Variants in ZNF385B observed in about 807,000 individuals in gnomAD.
ZNF385B encodes the protein zinc finger protein 533.
A neutral mutation model predicts 39.2 loss-of-function variants in ZNF385B; 23 were observed. That is an observed-to-expected ratio of 0.59 (90% CI 0.42 to 0.83). ZNF385B has a LOEUF of 0.83. Ranked by LOEUF, ZNF385B falls within the 40% of genes least tolerant of loss-of-function variation. The pLI is 0.00. For missense variants in ZNF385B, 552 were observed against 598.9 expected (o/e 0.92, Z 0.82); for synonymous variants, 205 against 222.6 (o/e 0.92, Z 0.70).
intron 3 of ZNF385B, among the ~76,000 whole-genome samples, chr2:179,554,615 G>A (rs1481735086): frequency 6.7e-6 from 1 of 149,058 alleles, no homozygotes; most frequent in South Asian, 2.2e-4. Context: ...AAAAATTGAT[G>A]AATATATTCT....
chr2:179,558,226 G>A (rs1214696312), intron 3 of ZNF385B, among the ~76,000 whole-genome samples: 1 of 152,138 alleles, frequency 6.6e-6, no homozygotes, highest in Non-Finnish European at 1.5e-5. Context: ...CTAAGAGCCA[G>A]GCTAAAGGGA....
intron 1 of ZNF385B, among the ~76,000 whole-genome samples, chr2:179,783,929 C>T (rs1015378181): frequency 5.3e-5 from 8 of 152,068 alleles, no homozygotes; most frequent in Non-Finnish European, 1.2e-4. Flanking sequence ...CCTCAAAGAG[C>T]TAAAAGCAGA....
intron 1 of ZNF385B, among the ~76,000 whole-genome samples, chr2:179,829,804 C>T (rs180854187): frequency 1.4e-4 from 21 of 152,320 alleles, no homozygotes; most frequent in Middle Eastern, 3.4e-3. Context: ...TGACCCACCG[C>T]GCCCGGCCTG....
intron 4 of ZNF385B, among the ~76,000 whole-genome samples, chr2:179,531,076 C>T (rs909757886): frequency 6.6e-6 from 1 of 152,018 alleles, no homozygotes; most frequent in Non-Finnish European, 1.5e-5. Flanking sequence ...CAGATCAGGC[C>T]CCAGATCTAC....
intron 3 of ZNF385B, among the ~76,000 whole-genome samples, chr2:179,682,412 T>G (rs1697588117): frequency 6.6e-6 from 1 of 152,246 alleles, no homozygotes; most frequent in African/African-American, 2.4e-5. Context: ...TTTTCTCAAA[T>G]TATTTTTAAA....
At chr2:179,506,433 T>C (rs2057261469) in intron 5 of ZNF385B, among the ~76,000 whole-genome samples, 2 of 152,160 alleles carry the variant, frequency 1.3e-5, no homozygotes, top group Admixed American at 1.3e-4. Flanking sequence ...TATGCATCTT[T>C]TAAAGTTATG....
chr2:179,614,096 G>GAAGCC (rs1689530325), intron 3 of ZNF385B, among the ~76,000 whole-genome samples: 1 of 152,174 alleles, frequency 6.6e-6, no homozygotes, highest in Non-Finnish European at 1.5e-5. Flanking sequence ...AGGGATGGAG[G>GAAGCC]AAGGGTGGTG....
At chr2:179,622,559 A>G (rs2106164956) in intron 3 of ZNF385B, among the ~76,000 whole-genome samples, 2 of 152,332 alleles carry the variant, frequency 1.3e-5, no homozygotes, top group South Asian at 4.1e-4. Context: ...GAAGGGTTAT[A>G]GAAGTTACTT....
chr2:179,469,933 T>C (rs2052546546), intron 6 of ZNF385B, among the ~76,000 whole-genome samples: 1 of 152,284 alleles, frequency 6.6e-6, no homozygotes, highest in Middle Eastern at 3.4e-3. Flanking sequence ...TCATAAGACA[T>C]GGGCAGCTTT....
At chr2:179,802,589 A>T (rs1410889263) in intron 1 of ZNF385B, 2 of 152,104 alleles carry the variant, frequency 1.3e-5, no homozygotes, top group African/African-American at 4.8e-5. Context: ...TGTGTTGATG[A>T]ATTTTTAGCA....
chr2:179,524,087 C>G (rs2058700004), intron 4 of ZNF385B, among the ~76,000 whole-genome samples: 1 of 151,994 alleles, frequency 6.6e-6, no homozygotes, highest in Non-Finnish European at 1.5e-5. Flanking sequence ...CGTGAGCCAC[C>G]CTGCCCAGCC....
chr2:179,747,032 G>A (rs1575411866), intron 3 of ZNF385B, among the ~76,000 whole-genome samples: 1 of 152,118 alleles, frequency 6.6e-6, no homozygotes, highest in Non-Finnish European at 1.5e-5. Context: ...TTCTCATTGA[G>A]ACTCTGAAGG....
chr2:179,688,261 T>C (rs975003741), intron 3 of ZNF385B, among the ~76,000 whole-genome samples: 11 of 152,142 alleles, frequency 7.2e-5, no homozygotes, highest in African/African-American at 2.7e-4. Flanking sequence ...CACAGAAGTT[T>C]AGGGAAGTAC....
intron 3 of ZNF385B, among the ~76,000 whole-genome samples, chr2:179,754,705 T>A (rs1280867535): frequency 4.6e-5 from 7 of 152,230 alleles, no homozygotes; most frequent in African/African-American, 1.7e-4. Flanking sequence ...CTAGATTTTC[T>A]AGTTTATTTG....
intron 1 of ZNF385B, among the ~76,000 whole-genome samples, chr2:179,781,696 C>T (rs1474490638): frequency 1.3e-5 from 2 of 152,078 alleles, no homozygotes; most frequent in African/African-American, 4.8e-5. Flanking sequence ...CCTCTATATA[C>T]TCTATATACA....
intron 6 of ZNF385B, among the ~76,000 whole-genome samples, chr2:179,479,291 A>C (rs1362086424): frequency 6.6e-6 from 1 of 152,204 alleles, no homozygotes; most frequent in African/African-American, 2.4e-5. Context: ...CATTTTGTTT[A>C]CTGACCTGAA....
At chr2:179,732,702 T>C (rs1025792321) in intron 3 of ZNF385B, among the ~76,000 whole-genome samples, 4 of 152,204 alleles carry the variant, frequency 2.6e-5, no homozygotes, top group Non-Finnish European at 5.9e-5. Flanking sequence ...GAATTCATCA[T>C]AAAATGTCCA....
intron 4 of ZNF385B, among the ~76,000 whole-genome samples, chr2:179,518,998 T>C (rs540040303): frequency 6.6e-6 from 1 of 152,306 alleles, no homozygotes; most frequent in East Asian, 1.9e-4. Flanking sequence ...TTATTTTTCT[T>C]GAGACAGGAT....
At chr2:179,491,628 C>T (rs1371010460) in intron 5 of ZNF385B, among the ~76,000 whole-genome samples, 1 of 151,982 alleles carries the variant, frequency 6.6e-6, no homozygotes, top group Non-Finnish European at 1.5e-5. Context: ...ATATAAGGAC[C>T]TCATCTTTTA....
Sources: gnomAD v4.1 joint callset for allele counts (sites outside exome capture counted in the v4.1 genomes callset) on GRCh38, gnomAD v4.1.1 for gene constraint, MANE v1.5 for transcripts, NCBI Gene and HGNC (gene_info 2026-07-23, HGNC 2026-07-21) for gene names.